The following LIN9 variants were observed in gnomAD, a reference collection of about 807,000 sequenced individuals.
LIN9 encodes the protein lin-9 DREAM MuvB core complex component, also known as protein lin-9 homolog.
Under a neutral mutation model 78.0 loss-of-function variants are expected in LIN9, and 18 were observed. That is an observed-to-expected ratio of 0.23 (90% CI 0.16 to 0.34). The LOEUF (loss-of-function observed/expected upper bound fraction) is 0.34, where lower values mean the gene tolerates loss of function less well. Ranked by LOEUF, LIN9 falls within the 10% of genes least tolerant of loss-of-function variation. LIN9 has a pLI of 1.00. For missense variants in LIN9, 451 were observed against 644.1 expected (o/e 0.70, Z 3.25); for synonymous variants, 192 against 215.2 (o/e 0.89, Z 0.94).
chr1:226,293,168 G>A (rs921985088), intron 4 of LIN9, among the ~76,000 whole-genome samples: 8 of 152,186 alleles, frequency 5.3e-5, no homozygotes, highest in Non-Finnish European at 1.2e-4. Context: ...GAAAGCACTA[G>A]AGATTCTACA....
At chr1:226,251,139 C>G (rs544690607) in intron 10 of LIN9, among the ~76,000 whole-genome samples, 23 of 152,298 alleles carry the variant, frequency 1.5e-4, no homozygotes, top group Admixed American at 1.4e-3. Context: ...TCACTGCAAC[C>G]TCTGCCTCCC....
chr1:226,241,938 T>C (rs1658143474), intron 11 of LIN9, among the ~76,000 whole-genome samples: 1 of 152,126 alleles, frequency 6.6e-6, no homozygotes, highest in Non-Finnish European at 1.5e-5. Flanking sequence ...ATACTTCCTG[T>C]CAAAATTATC....
rs115780504 is a variant in LIN9 at position 226,239,951 on chromosome 1, T to C, written c.1120-855A>G. On this transcript the variant is annotated intron_variant, in intron 11 of 14. Transcript: ENST00000681046. ...GGATTTCTGAGAAAGCACGTTGTTA[T>C]GCACTAAGGAAGCAAAATCGCTCCT... is the stretch of plus-strand genomic sequence containing the variant. Among the ~76,000 whole-genome samples, 826 of 152,328 alleles carry C rather than the reference T, an allele frequency of 5.4e-3. 4 individuals are homozygous for C. The highest frequency in any genetic ancestry group is 9.4e-3 in the Non-Finnish European group (641 of 68,032).
rs561684809 is a variant in LIN9, at chr1:226,275,069, A to AT, written c.682+2705dup. The stretch of plus-strand genomic sequence containing the variant: ...TATTGTATGCTACACAGGGTGTTGA[A>AT]TTTTTTTCTTGTAGACAAAAAAAAT... On this transcript the variant is annotated intron_variant, in intron 7 of 14. Coordinates refer to ENST00000681046, the MANE Select transcript of LIN9 (RefSeq NM_001366245.2). Among the ~76,000 whole-genome samples the AT allele has an allele frequency of 5.3e-4, 81 of 151,976 alleles. 1 individual carries two copies. Among genetic ancestry groups the AT allele is most frequent in the African/African-American group, 1.9e-3 (77 of 41,436 alleles).
At chr1:226,294,139 C>T (rs1019111107) in intron 4 of LIN9, among the ~76,000 whole-genome samples, 23 of 151,762 alleles carry the variant, frequency 1.5e-4, no homozygotes, top group African/African-American at 5.6e-4. Context: ...AAAACCCTGT[C>T]TCTACTGAAA....
intron 10 of LIN9, among the ~76,000 whole-genome samples, chr1:226,261,014 C>T (rs1312587028): frequency 6.6e-6 from 1 of 151,748 alleles, no homozygotes; most frequent in African/African-American, 2.4e-5. Context: ...TAATCCATCA[C>T]ATCAGTAGGC....
chr1:226,251,368 C>T (rs1466487277), intron 10 of LIN9, among the ~76,000 whole-genome samples: 2 of 152,294 alleles, frequency 1.3e-5, no homozygotes, highest in Non-Finnish European at 2.9e-5. Context: ...GCTGGGATTA[C>T]AGGCACCCGC....
At chr1:226,256,232 A>T (rs531026334) in intron 10 of LIN9, among the ~76,000 whole-genome samples, 1 of 152,006 alleles carries the variant, frequency 6.6e-6, no homozygotes, top group Non-Finnish European at 1.5e-5. Flanking sequence ...ACTAAAAAAA[A>T]GGAAAAAAAA....
At chr1:226,297,178 C>T (rs541559195) in intron 3 of LIN9, among the ~76,000 whole-genome samples, 53 of 152,222 alleles carry the variant, frequency 3.5e-4, no homozygotes, top group South Asian at 2.1e-3. Flanking sequence ...GCTGCCCAGG[C>T]TACTGTGACT....
intron 6 of LIN9, 110 bp from the exon 7 acceptor site, chr1:226,278,042 G>A: frequency 1.2e-6 from 1 of 826,306 alleles, no homozygotes; most frequent in Non-Finnish European, 1.8e-6. Context: ...ATCCAGGCTG[G>A]AGTGCAGTGG....
chr1:226,286,571 T>C (rs1661390789), intron 5 of LIN9, 113 bp from the exon 6 acceptor site: 3 of 730,110 alleles, frequency 4.1e-6, no homozygotes, highest in Non-Finnish European at 6.4e-6. Context: ...ATATATAAAC[T>C]GGCACAAATT....
intron 11 of LIN9, among the ~76,000 whole-genome samples, chr1:226,241,596 C>T (rs1482240546): frequency 2.6e-5 from 4 of 152,132 alleles, no homozygotes; most frequent in Admixed American, 6.5e-5. Flanking sequence ...CGGTGGCTCA[C>T]GCCTGTAATC....
chr1:226,261,797 G>T (rs572165359), intron 10 of LIN9, among the ~76,000 whole-genome samples: 2 of 152,248 alleles, frequency 1.3e-5, no homozygotes, highest in Non-Finnish European at 2.9e-5. Flanking sequence ...AAAGGCAAAA[G>T]ACCTACTATA....
At chr1:226,253,153 C>T (rs1292777916) in intron 10 of LIN9, among the ~76,000 whole-genome samples, 1 of 150,946 alleles carries the variant, frequency 6.6e-6, no homozygotes, top group East Asian at 2.0e-4. Flanking sequence ...GTCCCAGCTA[C>T]TCAGGAGGCT....
intron 1 of LIN9, 198 bp downstream of exon 1, chr1:226,308,911 C>T: frequency 2.5e-6 from 1 of 397,130 alleles, no homozygotes; most frequent in Non-Finnish European, 4.1e-6. Context: ...TCACACAACC[C>T]CAGAAACCAA....
chr1:226,267,371 C>T (rs1344522805), intron 8 of LIN9, among the ~76,000 whole-genome samples: 3 of 91,844 alleles, frequency 3.3e-5, no homozygotes, highest in Admixed American at 1.3e-4. Context: ...TGCAGTGAGC[C>T]GAGATCACAC....
chr1:226,251,544 T>C (rs1658837268), intron 10 of LIN9, among the ~76,000 whole-genome samples: 1 of 152,118 alleles, frequency 6.6e-6, no homozygotes. Context: ...GTATTTTTAG[T>C]AGAGACAGGG....
chr1:226,266,344 G>T lies in LIN9; in HGVS notation c.817-12C>A. On this transcript the variant is annotated splice_polypyrimidine_tract_variant and intron_variant, in intron 8 of 14. Coordinates refer to ENST00000681046, the MANE Select transcript of LIN9 (RefSeq NM_001366245.2). The stretch of plus-strand genomic sequence containing the variant: ...TGAGGTTCATTACTCTGAGAAAACA[G>T]AATAATTCACAAAACTTAAAGAAAT... 2 of 1,570,712 alleles carry T rather than the reference G, an allele frequency of 1.3e-6. No homozygotes were observed. The highest frequency in any genetic ancestry group is 1.2e-5 in the South Asian group (1 of 82,730).
intron 12 of LIN9, among the ~76,000 whole-genome samples, chr1:226,236,216 C>T (rs1364062725): frequency 2.0e-5 from 3 of 151,536 alleles, no homozygotes; most frequent in Non-Finnish European, 4.4e-5. Context: ...TAAAAGTACA[C>T]AAATCGTAAA....
Sources: allele counts gnomAD v4.1 joint callset (sites outside exome capture counted in the v4.1 genomes callset), GRCh38; gene constraint gnomAD v4.1.1; transcripts MANE v1.5; gene names NCBI Gene and HGNC (gene_info 2026-07-23, HGNC 2026-07-21).